WLS: variants seen among roughly 807,000 people sequenced by gnomAD.
WLS encodes protein wntless homolog.
WLS carries 23 observed loss-of-function variants against 62.8 expected under a neutral mutation model. The ratio of observed to expected loss-of-function variants is 0.37; its 90% CI spans 0.26 to 0.52. The LOEUF (loss-of-function observed/expected upper bound fraction) is 0.52, where lower values mean the gene tolerates loss of function less well. Ranked by LOEUF, WLS falls within the 20% of genes least tolerant of loss-of-function variation. The pLI, the probability that WLS is intolerant of heterozygous loss-of-function variation, is 0.92. For missense variants in WLS, 615 were observed against 697.3 expected, an observed-to-expected ratio of 0.88 and a Z score of 1.33; for synonymous variants, 246 against 244.1, an observed-to-expected ratio of 1.01 and a Z score of -0.07.
intron 3 of WLS, among the ~76,000 whole-genome samples, chr1:68,156,150 A>C (rs1207034356): frequency 1.3e-5 from 2 of 152,136 alleles, no homozygotes; most frequent in East Asian, 3.9e-4. Flanking sequence ...AGGGGTAAAG[A>C]TGAGCATAAA....
intron 11 of WLS, among the ~76,000 whole-genome samples, chr1:68,107,542 A>G (rs1242028554): frequency 6.6e-6 from 1 of 152,208 alleles, no homozygotes; most frequent in Non-Finnish European, 1.5e-5. Context: ...GAGAATAACA[A>G]TACTTACCTG....
At chr1:68,111,851 A>G (rs1055875761) in intron 11 of WLS, among the ~76,000 whole-genome samples, 1 of 152,158 alleles carries the variant, frequency 6.6e-6, no homozygotes, top group African/African-American at 2.4e-5. Flanking sequence ...CCAGAAGAAG[A>G]TTTAGTTGAA....
At chr1:68,204,607 G>A (rs1042919745) in intron 1 of WLS, among the ~76,000 whole-genome samples, 42 of 152,042 alleles carry the variant, frequency 2.8e-4, no homozygotes, top group Non-Finnish European at 2.5e-4. Flanking sequence ...GCGCCCGGCC[G>A]GAAATATTTT....
intron 1 of WLS, among the ~76,000 whole-genome samples, chr1:68,199,072 G>C (rs17130571): frequency 1.8e-4 from 27 of 151,984 alleles, no homozygotes; most frequent in Middle Eastern, 3.4e-3. Flanking sequence ...GTTAGAGAGA[G>C]ACAAGACTTG....
intron 2 of WLS, among the ~76,000 whole-genome samples, chr1:68,168,035 G>A (rs1293069891): frequency 1.3e-5 from 2 of 152,100 alleles, no homozygotes; most frequent in Admixed American, 1.3e-4. Flanking sequence ...GAAAAGCAAA[G>A]CCAATCAGTT....
intron 2 of WLS, among the ~76,000 whole-genome samples, chr1:68,179,525 A>G (rs1449553617): frequency 6.6e-6 from 1 of 152,208 alleles, no homozygotes; most frequent in African/African-American, 2.4e-5. Context: ...ATCAGATGAA[A>G]TAAACGTTGT....
At chr1:68,111,158 G>C (rs532186047) in intron 11 of WLS, among the ~76,000 whole-genome samples, 1 of 152,346 alleles carries the variant, frequency 6.6e-6, no homozygotes, top group African/African-American at 2.4e-5. Flanking sequence ...AATGTCTGTT[G>C]TTTAAGCCAC....
In WLS at chr1:68,126,035, C is replaced by G. The variant is rs928143662; in HGVS notation, c.*191G>C. 2 of 1,430,270 alleles carry G rather than the reference C, an allele frequency of 1.4e-6. No homozygotes were observed. The highest frequency in any genetic ancestry group is 1.4e-5 in the African/African-American group (1 of 69,430). The allele number at this position is 1,430,270 out of a possible 1,614,324, so 88.6% of individuals were successfully genotyped here. A position where few individuals can be genotyped will look rare whatever the true frequency, so the allele number is the denominator to read the frequency against. ...GTTATCATACACAATGCATTAGTGG[C>G]TGCAGGAATCTTCCTCCAAAAGCTA... is the stretch of plus-strand genomic sequence containing the variant. On this transcript the variant is annotated 3_prime_UTR_variant, in exon 12 of 12. Transcript: ENST00000262348.
chr1:68,202,770 T>C (rs193143026), intron 1 of WLS: 4 of 152,268 alleles, frequency 2.6e-5, no homozygotes, highest in Admixed American at 2.6e-4. Flanking sequence ...CCTTGGGCTA[T>C]GATGTCAGAA....
At chr1:68,161,367 G>T (rs907031386) in intron 2 of WLS, among the ~76,000 whole-genome samples, 3 of 152,184 alleles carry the variant, frequency 2.0e-5, no homozygotes, top group African/African-American at 7.2e-5. Flanking sequence ...GTCACAGGAT[G>T]GGGATATCCT....
chr1:68,199,833 T>C (rs1648902565), intron 1 of WLS, among the ~76,000 whole-genome samples: 2 of 152,180 alleles, frequency 1.3e-5, no homozygotes, highest in South Asian at 2.1e-4. Context: ...AGAGATCTGC[T>C]GGAAGGAGGC....
intron 11 of WLS, among the ~76,000 whole-genome samples, chr1:68,106,772 G>A (rs887908923): frequency 6.6e-6 from 1 of 151,776 alleles, no homozygotes; most frequent in African/African-American, 2.4e-5. Context: ...AGGTGGGTGG[G>A]TGAGTATAGA....
At chr1:68,161,771 G>GCT in intron 2 of WLS, 1 of 1,600,218 alleles carries the variant, frequency 6.2e-7, no homozygotes, top group Non-Finnish European at 8.5e-7. Flanking sequence ...TCGTTGGAGT[G>GCT]CTCTCGATTG....
intron 1 of WLS, among the ~76,000 whole-genome samples, chr1:68,212,406 GA>G (rs1193350922): frequency 6.6e-6 from 1 of 152,072 alleles, no homozygotes; most frequent in Non-Finnish European, 1.5e-5. Context: ...ATTACTTTTA[GA>G]ACAAAGGGTT....
intron 11 of WLS, among the ~76,000 whole-genome samples, chr1:68,106,266 G>A (rs984845650): frequency 2.6e-5 from 4 of 152,188 alleles, no homozygotes; most frequent in African/African-American, 7.2e-5. Flanking sequence ...CGGACTCAAT[G>A]GCCAGGAGGG....
At chr1:68,193,863 C>T (rs912595107) in intron 2 of WLS, 92 bp downstream of exon 2, 6 of 1,495,092 alleles carry the variant, frequency 4.0e-6, no homozygotes, top group African/African-American at 2.8e-5. Context: ...ATTACTATTA[C>T]CATTTTTACT....
At chr1:68,203,466 A>T (rs1483831950) in intron 1 of WLS, among the ~76,000 whole-genome samples, 1 of 152,240 alleles carries the variant, frequency 6.6e-6, no homozygotes, top group African/African-American at 2.4e-5. Context: ...GCTGGGTGTC[A>T]CTCAAAGGGA....
chr1:68,127,090 G>A (rs1181954584), intron 11 of WLS: 2 of 401,862 alleles, frequency 5.0e-6, no homozygotes, highest in Non-Finnish European at 9.8e-6. Flanking sequence ...AGCTACTCAG[G>A]AGGCTGAGGC....
chr1:68,148,292 G>A (rs1198995165), intron 7 of WLS, 93 bp from the exon 8 acceptor site: 24 of 1,336,078 alleles, frequency 1.8e-5, no homozygotes, highest in Non-Finnish European at 2.5e-5. Context: ...TTCAGCTGCA[G>A]GGGTGAGGGC....
Sources: gnomAD v4.1 joint callset for allele counts (sites outside exome capture counted in the v4.1 genomes callset) on GRCh38, gnomAD v4.1.1 for gene constraint, MANE v1.5 for transcripts, NCBI Gene and HGNC (gene_info 2026-07-23, HGNC 2026-07-21) for gene names.